Variants in LHFPL3 observed in about 807,000 individuals in gnomAD.
LHFPL3 encodes the protein LHFPL tetraspan subfamily member 3 protein.
LHFPL3 carries 5 observed loss-of-function variants against 19.3 expected under a neutral mutation model. The ratio of observed to expected loss-of-function variants is 0.26; its 90% CI spans 0.14 to 0.54. The LOEUF (loss-of-function observed/expected upper bound fraction) is 0.54, where lower values mean the gene tolerates loss of function less well. Among genes scored for constraint, LHFPL3 ranks in the 20% least tolerant of loss-of-function variants. The pLI, the probability that LHFPL3 is intolerant of heterozygous loss-of-function variation, is 0.94. For synonymous variants in LHFPL3, 133 were observed against 126.2 expected, an observed-to-expected ratio of 1.05 and a Z score of -0.36; for missense variants, 249 against 307.4, an observed-to-expected ratio of 0.81 and a Z score of 1.42.
intron 1 of LHFPL3, among the ~76,000 whole-genome samples, chr7:104,437,766 G>A (rs1293769590): frequency 3.9e-5 from 6 of 152,078 alleles, no homozygotes. Flanking sequence ...TGTCTCTGGG[G>A]GCCTGCCCTC....
chr7:104,843,452 T>C (rs1791252523), intron 2 of LHFPL3, among the ~76,000 whole-genome samples: 2 of 152,364 alleles, frequency 1.3e-5, no homozygotes, highest in South Asian at 4.1e-4. Context: ...GGCTCCCCAA[T>C]GGACTTTGAT....
intron 2 of LHFPL3, among the ~76,000 whole-genome samples, chr7:104,821,206 T>C (rs778882151): frequency 1.3e-5 from 2 of 152,224 alleles, no homozygotes; most frequent in African/African-American, 2.4e-5. Flanking sequence ...TCATGGGTTT[T>C]CACAAGTGTC....
At chr7:104,582,702 T>C (rs1790482146) in intron 1 of LHFPL3, among the ~76,000 whole-genome samples, 1 of 152,058 alleles carries the variant, frequency 6.6e-6, no homozygotes, top group Non-Finnish European at 1.5e-5. Flanking sequence ...GAGATTATCA[T>C]GTGATATTTC....
chr7:104,848,141 AG>A (rs1791346594), intron 2 of LHFPL3, among the ~76,000 whole-genome samples: 1 of 152,188 alleles, frequency 6.6e-6, no homozygotes, highest in Admixed American at 6.5e-5. Context: ...TTGGCAGAGA[AG>A]GGAATGAGAG....
At chr7:104,820,380 T>C (rs1790653354) in intron 2 of LHFPL3, among the ~76,000 whole-genome samples, 1 of 152,092 alleles carries the variant, frequency 6.6e-6, no homozygotes. Context: ...AAGGAAGATA[T>C]TCAAAGAGAT....
intron 2 of LHFPL3, among the ~76,000 whole-genome samples, chr7:104,820,854 CA>C (rs1027229211): frequency 1.3e-5 from 2 of 152,170 alleles, no homozygotes; most frequent in Non-Finnish European, 2.9e-5. Flanking sequence ...CCACTACCAA[CA>C]AACGCCAACA....
chr7:104,702,109 G>A (rs1020030528), intron 1 of LHFPL3, among the ~76,000 whole-genome samples: 4 of 151,600 alleles, frequency 2.6e-5, no homozygotes, highest in Admixed American at 2.0e-4. Context: ...TCCCACTTAT[G>A]GTGAGAACAT....
chr7:104,347,224 C>T (rs1417029175), intron 1 of LHFPL3, among the ~76,000 whole-genome samples: 3 of 151,902 alleles, frequency 2.0e-5, no homozygotes, highest in African/African-American at 4.8e-5. Flanking sequence ...AAACTCCAGG[C>T]GACCTCACTG....
At chr7:104,348,255 C>T (rs1034858934) in intron 1 of LHFPL3, among the ~76,000 whole-genome samples, 2 of 152,076 alleles carry the variant, frequency 1.3e-5, no homozygotes, top group African/African-American at 4.8e-5. Context: ...CGTGGTGGTG[C>T]GTGCCTGTAA....
intron 1 of LHFPL3, among the ~76,000 whole-genome samples, chr7:104,607,650 A>G (rs1791128250): frequency 6.6e-6 from 1 of 152,198 alleles, no homozygotes; most frequent in African/African-American, 2.4e-5. Context: ...GACAAATGGG[A>G]TCTAATTAAA....
chr7:104,513,236 C>T (rs1279716807), intron 1 of LHFPL3, among the ~76,000 whole-genome samples: 1 of 152,094 alleles, frequency 6.6e-6, no homozygotes, highest in Non-Finnish European at 1.5e-5. Flanking sequence ...ACCAGCAGTT[C>T]TCAGCTGGTA....
intron 1 of LHFPL3, among the ~76,000 whole-genome samples, chr7:104,589,059 A>G (rs1219372100): frequency 2.0e-5 from 3 of 152,212 alleles, no homozygotes; most frequent in Non-Finnish European, 4.4e-5. Flanking sequence ...ATCTGCAAAC[A>G]GGGACAATTT....
At chr7:104,616,799 T>G (rs1048356102) in intron 1 of LHFPL3, among the ~76,000 whole-genome samples, 2 of 151,656 alleles carry the variant, frequency 1.3e-5, no homozygotes, top group African/African-American at 4.8e-5. Flanking sequence ...CTTAAACAAA[T>G]TTACAGGAAA....
At chr7:104,723,902 C>G (rs958343313) in intron 1 of LHFPL3, among the ~76,000 whole-genome samples, 9 of 152,090 alleles carry the variant, frequency 5.9e-5, no homozygotes, top group African/African-American at 2.2e-4. Context: ...TTTACTATCC[C>G]TCCTGGTCAG....
At chr7:104,562,578 A>G (rs1399183857) in intron 1 of LHFPL3, among the ~76,000 whole-genome samples, 13 of 151,880 alleles carry the variant, frequency 8.6e-5, no homozygotes, top group African/African-American at 3.1e-4. Flanking sequence ...CTAGTTATAC[A>G]TTCTTCTAAA....
intron 1 of LHFPL3, among the ~76,000 whole-genome samples, chr7:104,585,815 G>T (rs766542952): frequency 1.1e-4 from 17 of 151,994 alleles, no homozygotes; most frequent in Non-Finnish European, 2.2e-4. Context: ...TTAAAATCAT[G>T]CAGGGAAACA....
chr7:104,812,803 C>CAAAAAAAAAAAAAAA (rs59809377), intron 2 of LHFPL3, among the ~76,000 whole-genome samples: 3 of 31,314 alleles, frequency 9.6e-5, no homozygotes, highest in African/African-American at 1.2e-4. Context: ...GACTCCATCT[C>CAAAAAAAAAAAAAAA]AAAAAAAAAA....
chr7:104,676,816 A>G (rs1306679834), intron 1 of LHFPL3, among the ~76,000 whole-genome samples: 1 of 152,224 alleles, frequency 6.6e-6, no homozygotes, highest in Non-Finnish European at 1.5e-5. Flanking sequence ...TCCTATTTGT[A>G]TCAAAAGCCT....
At chr7:104,403,123 A>G (rs1791347773) in intron 1 of LHFPL3, among the ~76,000 whole-genome samples, 1 of 152,214 alleles carries the variant, frequency 6.6e-6, no homozygotes, top group African/African-American at 2.4e-5. Flanking sequence ...GCAGCAAACC[A>G]CCATGACATG....
Sources: gnomAD v4.1 joint callset for allele counts (sites outside exome capture counted in the v4.1 genomes callset) on GRCh38, gnomAD v4.1.1 for gene constraint, MANE v1.5 for transcripts, NCBI Gene and HGNC (gene_info 2026-07-23, HGNC 2026-07-21) for gene names.